Variants in SYNCRIP observed in about 807,000 individuals in gnomAD.
SYNCRIP encodes the protein heterogeneous nuclear ribonucleoprotein Q.
SYNCRIP carries 9 observed loss-of-function variants against 68.9 expected under a neutral mutation model. The ratio of observed to expected loss-of-function variants is 0.13; its 90% CI spans 0.08 to 0.23. SYNCRIP has a LOEUF of 0.23. Among genes scored for constraint, SYNCRIP ranks in the 10% least tolerant of loss-of-function variants. SYNCRIP has a pLI of 1.00. For synonymous variants in SYNCRIP, 258 were observed against 254.0 expected, an observed-to-expected ratio of 1.02 and a Z score of -0.15; for missense variants, 414 against 770.6, an observed-to-expected ratio of 0.54 and a Z score of 5.48.
At chr6:85,622,717 T>G (rs758175902) in intron 7 of SYNCRIP, 30 bp from the exon 8 acceptor site, 25 of 1,558,070 alleles carry the variant, frequency 1.6e-5, no homozygotes, top group Non-Finnish European at 2.2e-5. Flanking sequence ...CCAGGAAAAT[T>G]AGATGAAATA....
At chr6:85,628,967 T>G (rs564418729) in intron 6 of SYNCRIP, among the ~76,000 whole-genome samples, 1 of 152,104 alleles carries the variant, frequency 6.6e-6, no homozygotes, top group Non-Finnish European at 1.5e-5. Flanking sequence ...TTCCAAAATC[T>G]CCGATCTTTC....
chr6:85,618,726 C>T (rs1806063656), intron 10 of SYNCRIP, 92 bp downstream of exon 10: 2 of 1,058,276 alleles, frequency 1.9e-6, no homozygotes, highest in Non-Finnish European at 2.7e-6. Flanking sequence ...AGATGTTATG[C>T]ATTTAACAAG....
At chr6:85,632,189 TG>T (rs2128295554) in intron 6 of SYNCRIP, among the ~76,000 whole-genome samples, 1 of 152,322 alleles carries the variant, frequency 6.6e-6, no homozygotes, top group African/African-American at 2.4e-5. Context: ...AACTATTCAT[TG>T]CTGTATCAGT....
downstream of SYNCRIP, chr6:85,611,943 G>A (rs1805282017): frequency 6.6e-6 from 1 of 152,432 alleles, no homozygotes; most frequent in Admixed American, 6.5e-5. Flanking sequence ...GGACACTGCA[G>A]TATTTAGTAC....
At chr6:85,612,027 A>G (rs1267424295), downstream of SYNCRIP, 1 of 152,154 alleles carries the variant, frequency 6.6e-6, no homozygotes, top group Non-Finnish European at 1.5e-5. Context: ...ATACATCCAA[A>G]TAACTACAAT....
chr6:85,642,289 G>T (rs1179405440), intron 1 of SYNCRIP, among the ~76,000 whole-genome samples: 1 of 151,992 alleles, frequency 6.6e-6, no homozygotes, highest in African/African-American at 2.4e-5. Flanking sequence ...ACCCCCGGCC[G>T]CCCGCCCGGC....
chr6:85,633,313 T>C (rs1248305873), intron 6 of SYNCRIP, among the ~76,000 whole-genome samples: 2 of 145,298 alleles, frequency 1.4e-5, no homozygotes, highest in African/African-American at 5.2e-5. Flanking sequence ...TACTTAAAAG[T>C]AGGCTGGGTG....
intron 10 of SYNCRIP, among the ~76,000 whole-genome samples, chr6:85,618,108 A>T (rs1805981217): frequency 6.6e-6 from 1 of 152,210 alleles, no homozygotes; most frequent in Non-Finnish European, 1.5e-5. Context: ...GTGAAGAAAC[A>T]GTCTATCATG....
chr6:85,636,579 T>C (rs1043102042), intron 6 of SYNCRIP, among the ~76,000 whole-genome samples: 8 of 152,200 alleles, frequency 5.3e-5, no homozygotes, highest in African/African-American at 1.7e-4. Flanking sequence ...CAACTAGAAA[T>C]GTATCACAAT....
At chr6:85,642,505 G>A (rs1809320193) in intron 1 of SYNCRIP, among the ~76,000 whole-genome samples, 1 of 152,254 alleles carries the variant, frequency 6.6e-6, no homozygotes. Flanking sequence ...CGCGGCGACC[G>A]CCACGACAGC....
chr6:85,623,579 A>AAAAAACAAAAAAAAAAAAC (rs1554184894), intron 7 of SYNCRIP, among the ~76,000 whole-genome samples: 14,275 of 122,690 alleles, frequency 0.12, 925 homozygotes, highest in Non-Finnish European at 0.19. Context: ...AAAAAAAAAA[A>AAAAAACAAAAAAAAAAAAC]AAAACACTCT....
intron 8 of SYNCRIP, 72 bp from the exon 9 acceptor site, chr6:85,619,489 T>A: frequency 1.5e-6 from 2 of 1,356,704 alleles, no homozygotes; most frequent in Non-Finnish European, 2.0e-6. Flanking sequence ...CACCCCACCC[T>A]ACAAAGTTAA....
At chr6:85,622,742 G>A (rs1806555609) in intron 7 of SYNCRIP, 55 bp from the exon 8 acceptor site, 1 of 1,375,394 alleles carries the variant, frequency 7.3e-7, no homozygotes, top group Admixed American at 1.7e-5. Context: ...GCAAATACAA[G>A]TGGATCAAAG....
intron 6 of SYNCRIP, among the ~76,000 whole-genome samples, chr6:85,635,245 C>A (rs1249769304): frequency 1.3e-5 from 2 of 152,136 alleles, no homozygotes; most frequent in African/African-American, 4.8e-5. Flanking sequence ...TCAAATTGAA[C>A]TGCTGAAACT....
At chr6:85,630,465 T>C (rs1487812370) in intron 6 of SYNCRIP, among the ~76,000 whole-genome samples, 2 of 152,272 alleles carry the variant, frequency 1.3e-5, no homozygotes, top group African/African-American at 4.8e-5. Flanking sequence ...ATATTTCCGT[T>C]ATTTAAGATT....
chr6:85,638,463 A>G (rs2128302504), intron 4 of SYNCRIP, among the ~76,000 whole-genome samples: 1 of 147,320 alleles, frequency 6.8e-6, no homozygotes, highest in Non-Finnish European at 1.5e-5. Context: ...CCCCTTCTCC[A>G]CTGTCTCAAC....
At chr6:85,640,069 T>C (rs982131944) in intron 4 of SYNCRIP, 152 bp downstream of exon 4, 7 of 608,186 alleles carry the variant, frequency 1.2e-5, no homozygotes, top group Middle Eastern at 4.3e-4. Context: ...TAGAAACAAA[T>C]AGTTTAAAAA....
exon 12 of SYNCRIP, chr6:85,608,579 G>C (rs958228326): frequency 2.0e-5 from 3 of 151,938 alleles, no homozygotes; most frequent in Admixed American, 6.6e-5. Context: ...GAGATGAAAG[G>C]AATGAAATAA....
At chr6:85,633,273 T>C (rs1223376477) in intron 6 of SYNCRIP, among the ~76,000 whole-genome samples, 54 of 141,440 alleles carry the variant, frequency 3.8e-4, no homozygotes, top group African/African-American at 1.3e-3. Context: ...AATAAATAAA[T>C]AAATAAATAA....
Sources: allele counts gnomAD v4.1 joint callset (sites outside exome capture counted in the v4.1 genomes callset), GRCh38; gene constraint gnomAD v4.1.1; transcripts MANE v1.5; gene names NCBI Gene and HGNC (gene_info 2026-07-23, HGNC 2026-07-21).